Variants in NAALADL2 observed in about 807,000 individuals in gnomAD.
NAALADL2 encodes the protein inactive N-acetylated-alpha-linked acidic dipeptidase-like protein 2.
In NAALADL2, 76 loss-of-function variants were observed where a neutral mutation model predicts 87.2. That is an observed-to-expected ratio of 0.87 (90% confidence interval 0.72 to 1.05). The LOEUF is 1.05. NAALADL2 is among the 50% of genes least tolerant of loss of function. The pLI is 0.00. For missense variants in NAALADL2, 1,089 were observed against 945.8 expected (o/e 1.15, Z -1.99); for synonymous variants, 354 against 331.0 (o/e 1.07, Z -0.75).
At chr3:174,712,077 G>A (rs370285072) in intron 2 of NAALADL2, among the ~76,000 whole-genome samples, 16 of 151,938 alleles carry the variant, frequency 1.1e-4, no homozygotes, top group South Asian at 6.2e-4. Context: ...GTGGGCCACC[G>A]CGCCCTGGCC....
chr3:175,775,669 A>T (rs1262913959), intron 13 of NAALADL2, among the ~76,000 whole-genome samples: 1 of 152,102 alleles, frequency 6.6e-6, no homozygotes, highest in African/African-American at 2.4e-5. Flanking sequence ...GCCTGAATTC[A>T]TCTAAGTCTG....
intron 2 of NAALADL2, among the ~76,000 whole-genome samples, chr3:175,199,655 A>G (rs1388384998): frequency 3.3e-5 from 5 of 150,656 alleles, no homozygotes; most frequent in Non-Finnish European, 7.4e-5. Context: ...GGAGGGAGGG[A>G]TAAGAATTCA....
At chr3:175,064,863 T>A (rs571817610) in intron 1 of NAALADL2, among the ~76,000 whole-genome samples, 1 of 152,298 alleles carries the variant, frequency 6.6e-6, no homozygotes, top group East Asian at 1.9e-4. Context: ...GGCTTGGTTT[T>A]CATCAAAACT....
In NAALADL2 at chr3:175,066,257, A is replaced by G. The variant is rs1170723366; in HGVS notation, c.44-30533A>G. Reference sequence around the variant, plus strand: ...ATGACATTGCACGTACTATGAGGACAGAAGTAGTTAGGTTACCTGTCACCT... The same window carrying G: ...ATGACATTGCACGTACTATGAGGACGGAAGTAGTTAGGTTACCTGTCACCT... On this transcript the variant is annotated intron_variant, in intron 1 of 13. Coordinates refer to ENST00000454872, the MANE Select transcript of NAALADL2 (RefSeq NM_207015.3). Among the ~76,000 whole-genome samples the G allele has an allele frequency of 2.0e-5, 3 of 152,156 alleles. No homozygotes were observed. The East Asian group carries it at 5.8e-4, about 29-fold the overall frequency.
At chr3:174,732,198 G>A (rs1372365757) in intron 2 of NAALADL2, among the ~76,000 whole-genome samples, 1 of 152,096 alleles carries the variant, frequency 6.6e-6, no homozygotes, top group Non-Finnish European at 1.5e-5. Context: ...TATATAACAA[G>A]TATAAATATG....
intron 3 of NAALADL2, among the ~76,000 whole-genome samples, chr3:174,841,949 A>G (rs887042475): frequency 1.3e-5 from 2 of 152,022 alleles, no homozygotes; most frequent in African/African-American, 4.8e-5. Flanking sequence ...TAATCGTTAT[A>G]TGTAATTAGT....
intron 3 of NAALADL2, among the ~76,000 whole-genome samples, chr3:175,253,372 T>C (rs1279820230): frequency 1.3e-5 from 2 of 152,166 alleles, no homozygotes; most frequent in African/African-American, 4.8e-5. Flanking sequence ...CATGGACTAC[T>C]GAATAACAAT....
chr3:174,927,029 G>C (rs1398466820), intron 1 of NAALADL2, among the ~76,000 whole-genome samples: 1 of 99,144 alleles, frequency 1.0e-5, no homozygotes, highest in Admixed American at 1.1e-4. Flanking sequence ...AGCAAATGAA[G>C]AAAAAAAAAA....
intron 2 of NAALADL2, among the ~76,000 whole-genome samples, chr3:175,189,711 A>G (rs1737868405): frequency 2.6e-5 from 4 of 151,426 alleles, no homozygotes; most frequent in Admixed American, 2.6e-4. Context: ...GAAATAGAAA[A>G]CACAGCCTCG....
chr3:174,461,230 T>G (rs567740247), intron 1 of NAALADL2, among the ~76,000 whole-genome samples: 5 of 152,198 alleles, frequency 3.3e-5, no homozygotes, highest in African/African-American at 7.2e-5. Context: ...AATGAATGTT[T>G]TATGCCAATG....
At chr3:174,825,272 G>C (rs1251601427) in intron 3 of NAALADL2, among the ~76,000 whole-genome samples, 2 of 152,058 alleles carry the variant, frequency 1.3e-5, no homozygotes, top group African/African-American at 4.8e-5. Flanking sequence ...GGCCGGAGGA[G>C]ACATAGAGTA....
intron 13 of NAALADL2, among the ~76,000 whole-genome samples, chr3:175,801,020 G>A (rs1754082693): frequency 6.6e-6 from 1 of 152,124 alleles, no homozygotes; most frequent in Non-Finnish European, 1.5e-5. Flanking sequence ...GGTGAAAAGT[G>A]CTGGCAAGGC....
At chr3:175,277,112 T>C (rs1753713213) in intron 4 of NAALADL2, among the ~76,000 whole-genome samples, 1 of 152,212 alleles carries the variant, frequency 6.6e-6, no homozygotes, top group Non-Finnish European at 1.5e-5. Context: ...GTTTACTTTT[T>C]GTATGTCTTT....
intron 2 of NAALADL2, among the ~76,000 whole-genome samples, chr3:174,615,710 C>G (rs916195031): frequency 3.9e-5 from 6 of 152,084 alleles, no homozygotes; most frequent in Non-Finnish European, 8.8e-5. Flanking sequence ...CCTGCTGCCT[C>G]TCTCTTTCTC....
rs1488057546 is a variant in NAALADL2 at position 174,834,751 on chromosome 3, CAT to C, written c.-9+97007_-9+97008del. On this transcript the variant is annotated intron_variant, in intron 3 of 3. Transcript: ENST00000434257. The stretch of plus-strand genomic sequence containing the variant: ...CAAATTTAAGAAAAAATATATGACT[CAT>C]AGAAATTTATAAAATGTTTCAGAGA... Among the ~76,000 whole-genome samples, 15 of 151,642 alleles carry C rather than the reference CAT, an allele frequency of 9.9e-5. No homozygotes were observed. The South Asian group carries it at 1.9e-3, about 19-fold the overall frequency.
At chr3:175,243,070 AACACACACACACACAC>A (rs145805880) in intron 3 of NAALADL2, among the ~76,000 whole-genome samples, 1 of 146,976 alleles carries the variant, frequency 6.8e-6, no homozygotes, top group East Asian at 2.0e-4. Context: ...TCCTTTCCAT[AACACACACACACACAC>A]ACACACACGC....
chr3:174,864,058 A>G (rs1290183502), intron 1 of NAALADL2: 1 of 455,784 alleles, frequency 2.2e-6, no homozygotes, highest in South Asian at 1.6e-5. Context: ...GAGCAAAGAA[A>G]GTTGCTGAAA....
intron 2 of NAALADL2, among the ~76,000 whole-genome samples, chr3:174,572,434 C>A (rs1173744747): frequency 4.6e-5 from 7 of 152,098 alleles, no homozygotes; most frequent in Non-Finnish European, 2.9e-5. Flanking sequence ...TAGTAAGCAT[C>A]ACTGTTAATG....
At chr3:175,733,763 G>T (rs1340636254) in intron 11 of NAALADL2, among the ~76,000 whole-genome samples, 4 of 142,250 alleles carry the variant, frequency 2.8e-5, no homozygotes, top group Admixed American at 2.8e-4. Context: ...TAGATACAAT[G>T]AGGTCTCAGG....
Sources: gnomAD v4.1 joint callset for allele counts (sites outside exome capture counted in the v4.1 genomes callset) on GRCh38, gnomAD v4.1.1 for gene constraint, MANE v1.5 for transcripts, NCBI Gene and HGNC (gene_info 2026-07-23, HGNC 2026-07-21) for gene names.